SUGCT: variants seen among roughly 807,000 people sequenced by gnomAD.
SUGCT encodes the protein succinyl-CoA:glutarate-CoA transferase.
SUGCT carries 41 observed loss-of-function variants against 55.0 expected under a neutral mutation model. That is an observed-to-expected ratio of 0.74 (90% CI 0.58 to 0.97). The LOEUF (loss-of-function observed/expected upper bound fraction) is 0.97, where lower values mean the gene tolerates loss of function less well. SUGCT is among the 50% of genes least tolerant of loss of function. The pLI is 0.00. For missense variants in SUGCT, 568 were observed against 547.8 expected, an observed-to-expected ratio of 1.04 and a Z score of -0.37; for synonymous variants, 187 against 200.4, an observed-to-expected ratio of 0.93 and a Z score of 0.56.
rs371338769 is a variant in SUGCT at position 40,314,815 on chromosome 7, C to T, written c.721-1945C>T. Among the ~76,000 whole-genome samples the T allele has an allele frequency of 7.3e-4, 111 of 152,208 alleles. 2 individuals are homozygous for T. In the South Asian group the frequency reaches 0.02, roughly 28 times the overall value. On this transcript the variant is annotated intron_variant, in intron 8 of 13. Transcript: ENST00000335693. ...CCATCCTTAGGTGATCCACCTGCCT[C>T]GGCCTCCCAAAGTGCTGGGATTACA...
chr7:40,254,626 C>T (rs1054187443), intron 7 of SUGCT, among the ~76,000 whole-genome samples: 45 of 151,540 alleles, frequency 3.0e-4, no homozygotes, highest in African/African-American at 1.1e-3. Flanking sequence ...AACTCCTGAC[C>T]TAAAGTGATC....
intron 9 of SUGCT, among the ~76,000 whole-genome samples, chr7:40,414,115 A>G (rs1786839471): frequency 1.3e-5 from 2 of 152,174 alleles, no homozygotes; most frequent in Admixed American, 1.3e-4. Flanking sequence ...TACAAAATAG[A>G]TTATCAGGAA....
At chr7:40,476,156 TA>T (rs1790661127) in intron 11 of SUGCT, among the ~76,000 whole-genome samples, 1 of 152,182 alleles carries the variant, frequency 6.6e-6, no homozygotes, top group Non-Finnish European at 1.5e-5. Flanking sequence ...TTATAGGAAT[TA>T]AATGTCTATG....
intron 12 of SUGCT, among the ~76,000 whole-genome samples, chr7:40,604,666 A>G (rs1014913056): frequency 1.3e-5 from 2 of 152,162 alleles, no homozygotes; most frequent in African/African-American, 4.8e-5. Context: ...TTATTCACTT[A>G]CAGAAAGAAA....
chr7:40,458,454 A>G (rs1382812019), intron 10 of SUGCT, among the ~76,000 whole-genome samples: 1 of 152,212 alleles, frequency 6.6e-6, no homozygotes, highest in Non-Finnish European at 1.5e-5. Context: ...TCTAGTTGGT[A>G]TTACTTCAGG....
At chr7:40,340,196 G>T (rs1796969905) in intron 9 of SUGCT, among the ~76,000 whole-genome samples, 2 of 152,136 alleles carry the variant, frequency 1.3e-5, no homozygotes, top group Admixed American at 6.5e-5. Flanking sequence ...AAAAAAGATT[G>T]TGCATAAGTA....
chr7:40,360,595 A>G (rs1798105173), intron 9 of SUGCT, among the ~76,000 whole-genome samples: 1 of 152,166 alleles, frequency 6.6e-6, no homozygotes, highest in South Asian at 2.1e-4. Context: ...TGATATGGCC[A>G]TGCGTGGAAG....
intron 12 of SUGCT, among the ~76,000 whole-genome samples, chr7:40,604,775 C>T (rs1338583692): frequency 6.6e-6 from 1 of 152,224 alleles, no homozygotes; most frequent in African/African-American, 2.4e-5. Flanking sequence ...AATCATCACA[C>T]TCCTGAGTGA....
At chr7:40,175,788 ATAGTAT>A (rs1784896489) in intron 1 of SUGCT, among the ~76,000 whole-genome samples, 1 of 152,178 alleles carries the variant, frequency 6.6e-6, no homozygotes, top group Admixed American at 6.5e-5. Context: ...ACACTTGTTT[ATAGTAT>A]GAGAGGTGAA....
intron 11 of SUGCT, among the ~76,000 whole-genome samples, chr7:40,495,609 T>G (rs1791930487): frequency 6.6e-6 from 1 of 152,218 alleles, no homozygotes; most frequent in African/African-American, 2.4e-5. Context: ...ATGTGTTAGC[T>G]TCCCTTCCTT....
intron 6 of SUGCT, among the ~76,000 whole-genome samples, chr7:40,209,849 T>G (rs1263953422): frequency 2.6e-5 from 4 of 152,146 alleles, no homozygotes; most frequent in Non-Finnish European, 1.5e-5. Flanking sequence ...TTTTAAAATT[T>G]CAATCCAAGA....
chr7:40,952,270 T>A, the SUGCT span, among the ~76,000 whole-genome samples: 2 of 152,196 alleles, frequency 1.3e-5, no homozygotes, highest in African/African-American at 4.8e-5. Context: ...AGACTAGGAA[T>A]GCAACCCCTG....
intron 5 of SUGCT, among the ~76,000 whole-genome samples, chr7:40,193,241 G>T (rs1364511758): frequency 1.4e-5 from 2 of 147,504 alleles, no homozygotes; most frequent in African/African-American, 2.5e-5. Context: ...AAAGTGTTGG[G>T]ATTACAGGTG....
At chr7:40,337,086 T>C (rs1406553566) in intron 9 of SUGCT, among the ~76,000 whole-genome samples, 2 of 152,244 alleles carry the variant, frequency 1.3e-5, no homozygotes, top group Non-Finnish European at 2.9e-5. Context: ...TCCTGAGTTC[T>C]AGTTTGGTTG....
chr7:40,854,398 TCTTTCTTTCTTTCTTTC>T (rs1395396718), intron 13 of SUGCT, among the ~76,000 whole-genome samples: 1 of 106,480 alleles, frequency 9.4e-6, no homozygotes, highest in South Asian at 3.4e-4. Flanking sequence ...AAAATTTTTT[TCTTTCTTTCTTTCTTTC>T]TTTCCTTTCT....
At chr7:40,216,134 T>C (rs1425565024) in intron 6 of SUGCT, among the ~76,000 whole-genome samples, 1 of 151,742 alleles carries the variant, frequency 6.6e-6, no homozygotes, top group Non-Finnish European at 1.5e-5. Flanking sequence ...TTAACTTGTT[T>C]TGGGAAATAA....
At chr7:40,154,087 A>G in intron 1 of SUGCT, 1 of 239,812 alleles carries the variant, frequency 4.2e-6, no homozygotes, top group Non-Finnish European at 8.8e-6. Flanking sequence ...GCTGCAGTTT[A>G]TATTTTGAAA....
At chr7:40,960,484 A>G in the SUGCT span, among the ~76,000 whole-genome samples, 3 of 152,154 alleles carry the variant, frequency 2.0e-5, no homozygotes, top group African/African-American at 4.8e-5. Context: ...GGTCCAAACA[A>G]TATGTTTGAA....
At chr7:40,461,281 G>T (rs1488129595) in intron 11 of SUGCT, among the ~76,000 whole-genome samples, 1 of 152,104 alleles carries the variant, frequency 6.6e-6, no homozygotes, top group Non-Finnish European at 1.5e-5. Context: ...TATATGATGT[G>T]TGTTTTTCCA....
Sources: gnomAD v4.1 joint callset for allele counts (sites outside exome capture counted in the v4.1 genomes callset) on GRCh38, gnomAD v4.1.1 for gene constraint, MANE v1.5 for transcripts, NCBI Gene and HGNC (gene_info 2026-07-23, HGNC 2026-07-21) for gene names.